Variants in PAPPA observed in about 807,000 individuals in gnomAD.
PAPPA encodes the protein pappalysin-1.
In PAPPA, 60 loss-of-function variants were observed where a neutral mutation model predicts 164.0. The ratio of observed to expected loss-of-function variants is 0.37; its 90% CI spans 0.30 to 0.45. PAPPA has a LOEUF of 0.45. PAPPA is among the 20% of genes least tolerant of loss of function. The probability of loss-of-function intolerance (pLI) is 1.00; values close to 1 mark genes in which losing one functional copy is unlikely to be tolerated. For synonymous variants in PAPPA, 875 were observed against 814.1 expected (o/e 1.07, Z -1.27); for missense variants, 1,782 against 2,087.3 (o/e 0.85, Z 2.85).
At chr9:116,331,796 T>C (rs758016841) in intron 11 of PAPPA, among the ~76,000 whole-genome samples, 1 of 152,230 alleles carries the variant, frequency 6.6e-6, no homozygotes, top group Non-Finnish European at 1.5e-5. Flanking sequence ...TACTGCATTT[T>C]GGCTTGTGTG....
At chr9:116,235,710 G>T in intron 7 of PAPPA, 73 bp downstream of exon 7, 2 of 1,431,932 alleles carry the variant, frequency 1.4e-6, no homozygotes, top group Non-Finnish European at 9.8e-7. Flanking sequence ...GGTCAGAGAG[G>T]CCTGGACAGG....
chr9:116,192,994 T>C (rs1844061487), intron 2 of PAPPA, among the ~76,000 whole-genome samples: 1 of 152,186 alleles, frequency 6.6e-6, no homozygotes, highest in African/African-American at 2.4e-5. Flanking sequence ...CTCACCTTTG[T>C]TCATGAATAT....
At chr9:116,173,311 T>C (rs1017480037) in intron 1 of PAPPA, among the ~76,000 whole-genome samples, 1 of 152,204 alleles carries the variant, frequency 6.6e-6, no homozygotes, top group Admixed American at 6.5e-5. Context: ...GAAATTGTGC[T>C]CACATTTCAC....
intron 20 of PAPPA, 34 bp downstream of exon 20, chr9:116,377,681 G>A: frequency 6.9e-7 from 1 of 1,456,602 alleles, no homozygotes; most frequent in Non-Finnish European, 9.6e-7. Flanking sequence ...TCAGTTCCCT[G>A]GAAATAATCC....
intron 10 of PAPPA, among the ~76,000 whole-genome samples, chr9:116,323,639 A>G (rs1487793116): frequency 3.3e-5 from 5 of 152,228 alleles, no homozygotes; most frequent in Non-Finnish European, 5.9e-5. Context: ...TTTGCCCAAA[A>G]AGGTGTCTTG....
chr9:116,271,720 G>A lies in PAPPA; in HGVS notation c.2953+304G>A, dbSNP rs1256375976. ...ATCCCTGCTTTTCTTCACACTAACT[G>A]TCCAGGATGGGTATTACTGGAGATG... On this transcript the variant is annotated intron_variant, in intron 9 of 21. Transcript: ENST00000328252. This position sits in a 1 kb window ranked among gnomAD's most constrained non-coding sequence, Gnocchi z 4.2. 2.6e-5 allele frequency among the ~76,000 whole-genome samples: 4 copies of A among 152,174 alleles called. No homozygotes were observed. In the East Asian group the frequency reaches 7.7e-4, roughly 29 times the overall value.
intron 4 of PAPPA, among the ~76,000 whole-genome samples, chr9:116,212,853 A>G (rs1159301991): frequency 6.6e-6 from 1 of 152,186 alleles, no homozygotes; most frequent in Non-Finnish European, 1.5e-5. Context: ...TCATGTAACA[A>G]AATATTGTCC....
intron 10 of PAPPA, among the ~76,000 whole-genome samples, chr9:116,305,524 G>A (rs1845635779): frequency 6.6e-6 from 1 of 152,050 alleles, no homozygotes; most frequent in South Asian, 2.1e-4. Context: ...AAAAGGCCCT[G>A]TAGGAGCATG....
At chr9:116,164,280 T>C (rs1201598618) in intron 1 of PAPPA, among the ~76,000 whole-genome samples, 2 of 152,150 alleles carry the variant, frequency 1.3e-5, no homozygotes, top group African/African-American at 4.8e-5. Flanking sequence ...ACTCCCTCCT[T>C]CTTCTCTCTC....
chr9:116,182,444 G>C (rs1197286976), intron 1 of PAPPA, among the ~76,000 whole-genome samples: 1 of 152,236 alleles, frequency 6.6e-6, no homozygotes, highest in Non-Finnish European at 1.5e-5. Context: ...TGATGAGGCA[G>C]TTTTAGGATG....
At chr9:116,304,330 A>T (rs569211850) in intron 10 of PAPPA, among the ~76,000 whole-genome samples, 1 of 152,342 alleles carries the variant, frequency 6.6e-6, no homozygotes, top group South Asian at 2.1e-4. Context: ...ACACATACAT[A>T]CATCCCATTG....
chr9:116,362,807 G>A (rs1027963300), intron 18 of PAPPA, 68 bp downstream of exon 18: 2 of 1,509,548 alleles, frequency 1.3e-6, no homozygotes, highest in South Asian at 1.3e-5. Flanking sequence ...GCTAATGCCT[G>A]GGTGGGTCAT....
chr9:116,389,482 C>A (rs933801089), intron 21 of PAPPA, among the ~76,000 whole-genome samples: 1 of 152,152 alleles, frequency 6.6e-6, no homozygotes, highest in Non-Finnish European at 1.5e-5. Flanking sequence ...GCCTACAAAG[C>A]TCTTGGGAAA....
At chr9:116,189,977 T>C (rs1844022513) in intron 2 of PAPPA, among the ~76,000 whole-genome samples, 1 of 152,186 alleles carries the variant, frequency 6.6e-6, no homozygotes, top group South Asian at 2.1e-4. Flanking sequence ...CTCCAAGACA[T>C]GAGCAGCCCA....
At chr9:116,249,742 T>C (rs1844837929) in intron 7 of PAPPA, among the ~76,000 whole-genome samples, 1 of 152,092 alleles carries the variant, frequency 6.6e-6, no homozygotes, top group African/African-American at 2.4e-5. Context: ...GGTGAGTGTG[T>C]TATGAAAGAT....
In PAPPA at chr9:116,211,188, G is replaced by A. The variant is rs531035468; in HGVS notation, c.1625-451G>A. ...ACTCGATGTCACAGAGTTAGTGAAGGCAAAATGGGAACCAGAACCAAGATC... is the reference window on the plus strand; with the variant it reads ...ACTCGATGTCACAGAGTTAGTGAAGACAAAATGGGAACCAGAACCAAGATC... On this transcript the variant is annotated intron_variant, in intron 3 of 21. Coordinates refer to ENST00000328252, the MANE Select transcript of PAPPA (RefSeq NM_002581.5). Among the ~76,000 whole-genome samples the A allele has an allele frequency of 2.6e-5, 4 of 152,290 alleles. No homozygotes were observed. In the South Asian group the frequency reaches 8.3e-4, roughly 32 times the overall value.
chr9:116,230,415 G>T (rs910918284), intron 6 of PAPPA, among the ~76,000 whole-genome samples: 6 of 152,118 alleles, frequency 3.9e-5, no homozygotes, highest in African/African-American at 1.4e-4. Context: ...AAAAACATGG[G>T]GAATGCAGGG....
intron 21 of PAPPA, among the ~76,000 whole-genome samples, chr9:116,383,237 G>C (rs957823572): frequency 6.6e-5 from 10 of 152,336 alleles, no homozygotes; most frequent in African/African-American, 2.2e-4. Flanking sequence ...CCAAGGGTTG[G>C]GAGGGAGGTG....
intron 5 of PAPPA, among the ~76,000 whole-genome samples, 173 bp downstream of exon 5, chr9:116,220,302 G>T (rs888242028): frequency 6.6e-6 from 1 of 152,056 alleles, no homozygotes; most frequent in African/African-American, 2.4e-5. Flanking sequence ...TAAATAAATG[G>T]TCATTAATAG....
Sources: gnomAD v4.1 joint callset for allele counts (sites outside exome capture counted in the v4.1 genomes callset) on GRCh38, gnomAD v4.1.1 for gene constraint, Gnocchi (gnomAD v3.1) non-coding constraint, MANE v1.5 for transcripts, NCBI Gene and HGNC (gene_info 2026-07-23, HGNC 2026-07-21) for gene names.